Variants in TBC1D23 observed in about 807,000 individuals in gnomAD.
TBC1D23 encodes TBC1 domain family member 23.
In TBC1D23, 55 loss-of-function variants were observed where a neutral mutation model predicts 91.4. The ratio of observed to expected loss-of-function variants is 0.60; its 90% confidence interval spans 0.48 to 0.75. TBC1D23 has a LOEUF of 0.75. Ranked by LOEUF, TBC1D23 falls within the 30% of genes least tolerant of loss-of-function variation. The pLI is 0.00. For synonymous variants in TBC1D23, 289 were observed against 281.0 expected (o/e 1.03, Z -0.28); for missense variants, 725 against 836.1 (o/e 0.87, Z 1.64).
chr3:100,293,458 T>G (rs1027460910), intron 5 of TBC1D23, among the ~76,000 whole-genome samples: 1 of 152,208 alleles, frequency 6.6e-6, no homozygotes, highest in African/African-American at 2.4e-5. Flanking sequence ...TTGCTACTAG[T>G]ATCATGTTGA....
At chr3:100,306,863 G>C (rs1340713617) in intron 13 of TBC1D23, among the ~76,000 whole-genome samples, 1 of 152,186 alleles carries the variant, frequency 6.6e-6, no homozygotes, top group Non-Finnish European at 1.5e-5. Flanking sequence ...AAATATCAAT[G>C]GGGACAAATC....
At chr3:100,305,246 C>CCT (rs1258724465) in intron 12 of TBC1D23, among the ~76,000 whole-genome samples, 3 of 152,180 alleles carry the variant, frequency 2.0e-5, no homozygotes, top group East Asian at 3.9e-4. Flanking sequence ...CCTTTGGACT[C>CCT]TTTAGGTGTT....
intron 10 of TBC1D23, among the ~76,000 whole-genome samples, chr3:100,300,498 ATTTTTTTTTTT>A (rs66553332): frequency 4.8e-5 from 6 of 125,406 alleles, no homozygotes; most frequent in Admixed American, 4.3e-4. Flanking sequence ...ACTTGAATTA[ATTTTTTTTTTT>A]TTTTTTTTTG....
At chr3:100,322,170 T>G (rs1705869865) in intron 18 of TBC1D23, among the ~76,000 whole-genome samples, 1 of 152,174 alleles carries the variant, frequency 6.6e-6, no homozygotes, top group Admixed American at 6.5e-5. Flanking sequence ...CACGGCTCAC[T>G]GTAAGCTCCG....
chr3:100,291,516 G>A (rs1227382628), intron 5 of TBC1D23, among the ~76,000 whole-genome samples: 1 of 151,436 alleles, frequency 6.6e-6, no homozygotes, highest in African/African-American at 2.4e-5. Flanking sequence ...CTGGGAGGCG[G>A]AGGTTGCAGT....
intron 11 of TBC1D23, among the ~76,000 whole-genome samples, chr3:100,303,770 C>G (rs1461814070): frequency 6.6e-6 from 1 of 151,760 alleles, no homozygotes; most frequent in Non-Finnish European, 1.5e-5. Flanking sequence ...ACCCTATTCT[C>G]AAAAACAAAA....
chr3:100,281,665 C>A, intron 2 of TBC1D23, 77 bp from the exon 3 acceptor site: 1 of 894,502 alleles, frequency 1.1e-6, no homozygotes, highest in Non-Finnish European at 1.8e-6. Flanking sequence ...AAATTCAGGC[C>A]TTTAATTATT....
At chr3:100,281,521 G>A (rs1310238258) in intron 2 of TBC1D23, among the ~76,000 whole-genome samples, 2 of 151,980 alleles carry the variant, frequency 1.3e-5, no homozygotes, top group South Asian at 2.1e-4. Flanking sequence ...GTAATTTATT[G>A]TATTCACTAA....
chr3:100,278,028 A>G (rs2067664694), intron 1 of TBC1D23, among the ~76,000 whole-genome samples: 1 of 152,228 alleles, frequency 6.6e-6, no homozygotes, highest in Non-Finnish European at 1.5e-5. Flanking sequence ...TCTGTTGAGT[A>G]TGATCCTAAG....
chr3:100,290,028 A>T (rs2067776109), intron 4 of TBC1D23, among the ~76,000 whole-genome samples: 1 of 152,336 alleles, frequency 6.6e-6, no homozygotes, highest in East Asian at 1.9e-4. Flanking sequence ...AACCCTTAGA[A>T]GTAGGACAGT....
At chr3:100,308,978 TG>T (rs549448121) in intron 13 of TBC1D23, among the ~76,000 whole-genome samples, 1 of 152,224 alleles carries the variant, frequency 6.6e-6, no homozygotes, top group Non-Finnish European at 1.5e-5. Flanking sequence ...CCCAGCATTA[TG>T]GGAATCCGAG....
rs768122394 is a variant in TBC1D23 at position 100,316,190 on chromosome 3, G to T, written c.1687+3G>T. The stretch of plus-strand genomic sequence containing the variant: ...GGATGAAGAAGAATACGACACAGGT[G>T]TAGTAATACACTTAGCTACAGACAG... On this transcript the variant is annotated splice_donor_region_variant and intron_variant, in intron 16 of 18. Transcript: ENST00000394144. The T allele has an allele frequency of 1.2e-6, 2 of 1,606,980 alleles. No homozygotes were observed. Among genetic ancestry groups the T allele is most frequent in the Admixed American group, 3.3e-5 (2 of 60,018 alleles).
chr3:100,261,226 GC>G, intron 1 of TBC1D23, 155 bp downstream of exon 1: 1 of 678,750 alleles, frequency 1.5e-6, no homozygotes, highest in Non-Finnish European at 2.5e-6. Flanking sequence ...CCAGCTGGGT[GC>G]CCCCTGCCTG....
At chr3:100,282,311 A>G (rs1388880954) in intron 3 of TBC1D23, among the ~76,000 whole-genome samples, 2 of 152,222 alleles carry the variant, frequency 1.3e-5, no homozygotes, top group Non-Finnish European at 2.9e-5. Context: ...ACTCTATCTC[A>G]AAGAAACAAA....
chr3:100,312,370 G>A (rs1336722679), intron 15 of TBC1D23, among the ~76,000 whole-genome samples: 2 of 151,904 alleles, frequency 1.3e-5, no homozygotes, highest in African/African-American at 4.8e-5. Flanking sequence ...ATGTATATAG[G>A]TTGAGTTAGC....
chr3:100,320,746 CT>C (rs752139632), intron 17 of TBC1D23, 30 bp from the exon 18 acceptor site: 1 of 1,358,220 alleles, frequency 7.4e-7, no homozygotes, highest in African/African-American at 1.5e-5. Context: ...CTTAAAAATT[CT>C]TTTTCTTTTA....
rs548315667 is a variant in TBC1D23 at position 100,279,043 on chromosome 3, A to G, written c.54-606A>G. ...TTAAGAACACGAATTCAGGAACCAGACTGTTAAAATTTGAATCCTGGCTCT... is the reference window on the plus strand; with the variant it reads ...TTAAGAACACGAATTCAGGAACCAGGCTGTTAAAATTTGAATCCTGGCTCT... On this transcript the variant is annotated intron_variant, in intron 1 of 18. Transcript: ENST00000394144. 4.6e-5 allele frequency among the ~76,000 whole-genome samples: 7 copies of G among 152,308 alleles called. No individual in the cohort carries two copies. The South Asian group carries it at 1.2e-3, about 27-fold the overall frequency.
At chr3:100,294,976 A>G in intron 5 of TBC1D23, 111 bp from the exon 6 acceptor site, 4 of 1,086,544 alleles carry the variant, frequency 3.7e-6, no homozygotes, top group Non-Finnish European at 5.2e-6. Context: ...CGCATTAAAT[A>G]TCAGGTGCAG....
rs78344783 is a variant in TBC1D23, at chr3:100,293,632, C to G, written c.601-1455C>G. Among the ~76,000 whole-genome samples, 27 of 152,224 alleles carry G rather than the reference C, an allele frequency of 1.8e-4. No individual in the cohort carries two copies. The East Asian group carries it at 5.0e-3, about 28-fold the overall frequency. ...ACCTCTTCTAATCTGTGTTTGTAAT[C>G]GTAATTTTTAAAGCAACCACAAAAA... On this transcript the variant is annotated intron_variant, in intron 5 of 18. Coordinates refer to ENST00000394144, the MANE Select transcript of TBC1D23 (RefSeq NM_001199198.3).
Sources: gnomAD v4.1 joint callset for allele counts (sites outside exome capture counted in the v4.1 genomes callset) on GRCh38, gnomAD v4.1.1 for gene constraint, MANE v1.5 for transcripts, NCBI Gene and HGNC (gene_info 2026-07-23, HGNC 2026-07-21) for gene names.